Variants in ARHGAP15 observed in about 807,000 individuals in gnomAD.
The protein encoded by ARHGAP15 is rho GTPase-activating protein 15.
Under a neutral mutation model 63.7 loss-of-function variants are expected in ARHGAP15, and 51 were observed. The ratio of observed to expected loss-of-function variants is 0.80; its 90% CI spans 0.64 to 1.01. The LOEUF is 1.01. Ranked by LOEUF, ARHGAP15 falls within the 50% of genes least tolerant of loss-of-function variation. ARHGAP15 has a pLI of 0.00. For missense variants in ARHGAP15, 560 were observed against 564.6 expected (o/e 0.99, Z 0.08); for synonymous variants, 191 against 193.8 (o/e 0.99, Z 0.12).
chr2:143,429,186 A>G (rs1689272560), intron 6 of ARHGAP15, among the ~76,000 whole-genome samples: 1 of 151,220 alleles, frequency 6.6e-6, no homozygotes, highest in Admixed American at 6.6e-5. Flanking sequence ...AGTACTTAAA[A>G]TATTTTAACA....
At chr2:143,498,941 C>T (rs1287266785) in intron 9 of ARHGAP15, among the ~76,000 whole-genome samples, 3 of 152,164 alleles carry the variant, frequency 2.0e-5, no homozygotes, top group African/African-American at 7.2e-5. Context: ...TTATAAAAGG[C>T]AGCCATTTAA....
At chr2:143,492,901 C>CA (rs35697531) in intron 9 of ARHGAP15, among the ~76,000 whole-genome samples, 39,872 of 151,498 alleles carry the variant, frequency 0.26, 6,023 homozygotes, top group East Asian at 0.7. Flanking sequence ...CTAAAAAATA[C>CA]AAAAAAATTA....
At chr2:143,265,821 T>A (rs1484184984) in intron 6 of ARHGAP15, among the ~76,000 whole-genome samples, 1 of 152,164 alleles carries the variant, frequency 6.6e-6, no homozygotes, top group Non-Finnish European at 1.5e-5. Context: ...AAACCCAAGA[T>A]AAGCATAGTG....
Position 143,519,413 on chromosome 2 carries a change from A to T in ARHGAP15, c.925+49A>T, listed in dbSNP as rs753631377. On this transcript the variant is annotated intron_variant, in intron 10 of 13. Transcript: ENST00000295095. ...TTCCCCCCATTACTGCACCCTCTAC[A>T]CAACCAATACTCAAGTTAGCAGTGC... 2.8e-6 allele frequency: 4 copies of T among 1,453,126 alleles called. No homozygotes were observed. The South Asian group carries it at 3.5e-5, about 13-fold the overall frequency. 90.0% of individuals were successfully genotyped at this position (1,453,126 alleles called of 1,614,324 possible). A position where few individuals can be genotyped will look rare whatever the true frequency, so the allele number is the denominator to read the frequency against.
At chr2:143,329,188 A>T (rs1684392470) in intron 6 of ARHGAP15, among the ~76,000 whole-genome samples, 1 of 152,244 alleles carries the variant, frequency 6.6e-6, no homozygotes, top group South Asian at 2.1e-4. Flanking sequence ...ACTAGGTTAC[A>T]TTATACGGCA....
chr2:143,626,105 T>C (rs148604879), intron 12 of ARHGAP15, among the ~76,000 whole-genome samples: 19 of 152,268 alleles, frequency 1.2e-4, no homozygotes, highest in Non-Finnish European at 1.8e-4. Context: ...AATATAGGCA[T>C]GGTAAGAACG....
chr2:143,690,782 G>GA (rs1683560447), intron 12 of ARHGAP15, among the ~76,000 whole-genome samples: 2 of 152,142 alleles, frequency 1.3e-5, no homozygotes, highest in South Asian at 4.1e-4. Context: ...CATTTGCAGA[G>GA]AAAATACCAT....
chr2:143,328,754 AACT>A (rs144136772), intron 6 of ARHGAP15, among the ~76,000 whole-genome samples: 9,388 of 152,278 alleles, frequency 0.062, 404 homozygotes, highest in Non-Finnish European at 0.095. Context: ...GATGAATAAA[AACT>A]ACTACTTCAT....
At chr2:143,764,025 ATG>A (rs1486449769) in intron 13 of ARHGAP15, among the ~76,000 whole-genome samples, 1 of 151,790 alleles carries the variant, frequency 6.6e-6, no homozygotes, top group Non-Finnish European at 1.5e-5. Flanking sequence ...ATACAAAACT[ATG>A]TGTTATTTTT....
intron 11 of ARHGAP15, among the ~76,000 whole-genome samples, chr2:143,591,174 C>G (rs916679851): frequency 1.3e-5 from 2 of 152,158 alleles, no homozygotes; most frequent in African/African-American, 4.8e-5. Context: ...GTGCTTAACT[C>G]ACTATTCACA....
At chr2:143,628,560 G>C (rs1698933880) in intron 12 of ARHGAP15, among the ~76,000 whole-genome samples, 1 of 152,136 alleles carries the variant, frequency 6.6e-6, no homozygotes, top group Non-Finnish European at 1.5e-5. Flanking sequence ...TTTTCAGCCT[G>C]AGGCTCCTTC....
intron 6 of ARHGAP15, among the ~76,000 whole-genome samples, chr2:143,304,111 C>G (rs1043814482): frequency 6.6e-6 from 1 of 152,108 alleles, no homozygotes; most frequent in Non-Finnish European, 1.5e-5. Context: ...TGGATATATA[C>G]TTAAAGGATT....
intron 6 of ARHGAP15, among the ~76,000 whole-genome samples, chr2:143,396,547 G>A (rs1687768017): frequency 6.6e-6 from 1 of 151,694 alleles, no homozygotes; most frequent in African/African-American, 2.4e-5. Flanking sequence ...ATAATAAGGA[G>A]CTTATTGTGT....
At chr2:143,272,738 C>G (rs1221114405) in intron 6 of ARHGAP15, among the ~76,000 whole-genome samples, 2 of 152,202 alleles carry the variant, frequency 1.3e-5, no homozygotes, top group Non-Finnish European at 2.9e-5. Context: ...TATGTTCTCT[C>G]TCTTTGAGAG....
At chr2:143,370,641 ATTATT>A (rs1011336159) in intron 6 of ARHGAP15, among the ~76,000 whole-genome samples, 1 of 152,130 alleles carries the variant, frequency 6.6e-6, no homozygotes, top group African/African-American at 2.4e-5. Flanking sequence ...CGTTTCTAAA[ATTATT>A]TTATTATATT....
intron 9 of ARHGAP15, among the ~76,000 whole-genome samples, chr2:143,501,475 C>G (rs1693054318): frequency 6.6e-6 from 1 of 152,188 alleles, no homozygotes; most frequent in Non-Finnish European, 1.5e-5. Context: ...AGTTATAAAT[C>G]TGTTCACATA....
chr2:143,380,238 C>T (rs970100475), intron 6 of ARHGAP15, among the ~76,000 whole-genome samples: 1 of 152,060 alleles, frequency 6.6e-6, no homozygotes, highest in Non-Finnish European at 1.5e-5. Context: ...GTAGGAAGAA[C>T]GTTACTCTGT....
chr2:143,488,061 G>A (rs1455615621), intron 9 of ARHGAP15, among the ~76,000 whole-genome samples: 3 of 152,142 alleles, frequency 2.0e-5, no homozygotes, highest in Non-Finnish European at 4.4e-5. Context: ...TATGTAGAGG[G>A]CAGAATAGAT....
intron 12 of ARHGAP15, among the ~76,000 whole-genome samples, chr2:143,692,868 A>C (rs1683671489): frequency 6.6e-6 from 1 of 152,194 alleles, no homozygotes; most frequent in South Asian, 2.1e-4. Flanking sequence ...CAAATGTTGC[A>C]AGGTAGGCAG....
Sources: gnomAD v4.1 joint callset for allele counts (sites outside exome capture counted in the v4.1 genomes callset) on GRCh38, gnomAD v4.1.1 for gene constraint, MANE v1.5 for transcripts, NCBI Gene and HGNC (gene_info 2026-07-23, HGNC 2026-07-21) for gene names.